The following OSBPL10 variants were observed in gnomAD, a reference collection of about 807,000 sequenced individuals.
OSBPL10 encodes oxysterol-binding protein-related protein 10.
Under a neutral mutation model 81.7 loss-of-function variants are expected in OSBPL10, and 49 were observed. That is an observed-to-expected ratio of 0.60 (90% CI 0.48 to 0.76). The LOEUF (loss-of-function observed/expected upper bound fraction) is 0.76, where lower values mean the gene tolerates loss of function less well. Among genes scored for constraint, OSBPL10 ranks in the 30% least tolerant of loss-of-function variants. The pLI is 0.00. For synonymous variants in OSBPL10, 419 were observed against 383.6 expected, an observed-to-expected ratio of 1.09 and a Z score of -1.08; for missense variants, 923 against 987.8, an observed-to-expected ratio of 0.93 and a Z score of 0.88.
intron 6 of OSBPL10, among the ~76,000 whole-genome samples, chr3:31,711,441 G>A (rs562723540): frequency 2.2e-4 from 33 of 152,316 alleles, no homozygotes; most frequent in African/African-American, 7.9e-4. Context: ...ATTCTTTCAT[G>A]GAGGAATCCT....
chr3:32,008,090 T>C (rs1202226908), intron 2 of OSBPL10, among the ~76,000 whole-genome samples: 1 of 152,126 alleles, frequency 6.6e-6, no homozygotes, highest in Non-Finnish European at 1.5e-5. Flanking sequence ...GTAGACAGTG[T>C]AGACATTTGG....
At chr3:31,695,814 A>G (rs1695702305) in intron 7 of OSBPL10, among the ~76,000 whole-genome samples, 1 of 151,510 alleles carries the variant, frequency 6.6e-6, no homozygotes, top group South Asian at 2.1e-4. Flanking sequence ...GCTCTTTATC[A>G]CTCTCAGCTG....
chr3:31,714,384 G>A (rs1040432149), intron 6 of OSBPL10, among the ~76,000 whole-genome samples: 2 of 152,234 alleles, frequency 1.3e-5, no homozygotes, highest in Non-Finnish European at 2.9e-5. Context: ...TTGCGGGGGC[G>A]CAGTAATCAG....
chr3:31,828,339 A>G (rs1462555146), intron 4 of OSBPL10, among the ~76,000 whole-genome samples: 1 of 152,220 alleles, frequency 6.6e-6, no homozygotes, highest in Non-Finnish European at 1.5e-5. Flanking sequence ...TAAAACAAGA[A>G]CAATGGAAAG....
intron 1 of OSBPL10, among the ~76,000 whole-genome samples, chr3:31,883,433 T>C (rs1695645826): frequency 6.6e-6 from 1 of 151,940 alleles, no homozygotes; most frequent in Admixed American, 6.6e-5. Flanking sequence ...AGAGATGGGG[T>C]TTCCCCATGT....
At chr3:31,990,468 C>A in intron 2 of OSBPL10, 1 of 1,556,640 alleles carries the variant, frequency 6.4e-7, no homozygotes, top group South Asian at 1.2e-5. Flanking sequence ...GCAAGACCTT[C>A]CATCACAATT....
intron 2 of OSBPL10, chr3:32,037,491 A>C (rs966287985): frequency 5.3e-6 from 1 of 187,178 alleles, no homozygotes; most frequent in Non-Finnish European, 1.1e-5. Flanking sequence ...TTTCTAAAAA[A>C]ATTTTTTTTT....
intron 1 of OSBPL10, among the ~76,000 whole-genome samples, chr3:31,910,702 G>C (rs1696551110): frequency 6.6e-6 from 1 of 152,012 alleles, no homozygotes; most frequent in South Asian, 2.1e-4. Context: ...TCCTCAGTTG[G>C]ACTTCTTGGC....
At position 31,667,247 on chromosome 3, in the gene OSBPL10, G is replaced by T. The variant is rs1346103032; in HGVS notation, c.2096+1395C>A. Among the ~76,000 whole-genome samples, 3 of 152,316 alleles carry T rather than the reference G, an allele frequency of 2.0e-5. No individual in the cohort carries two copies. The South Asian group carries it at 6.2e-4, about 32-fold the overall frequency. ...AAGGGGATGGGTTTCCTTCCTTATC[G>T]CAGCCTTTCCCTTGTCCTGCTACTG... On this transcript the variant is annotated intron_variant, in intron 10 of 11. Coordinates refer to ENST00000396556, the MANE Select transcript of OSBPL10 (RefSeq NM_017784.5).
chr3:31,973,046 T>A (rs866151736), intron 1 of OSBPL10, among the ~76,000 whole-genome samples: 23 of 152,302 alleles, frequency 1.5e-4, no homozygotes, highest in African/African-American at 5.3e-4. Context: ...AAATTCTGGA[T>A]GGTTTTCTTT....
In OSBPL10 at chr3:31,821,530, C is replaced by T. The variant is rs115724437; in HGVS notation, c.729+8510G>A. ...TCTAATATTTTTACTCACAAACAAC[C>T]CACTCTATTGCTTTAAAAACATTTG... On this transcript the variant is annotated intron_variant, in intron 4 of 11. Coordinates refer to ENST00000396556, the MANE Select transcript of OSBPL10 (RefSeq NM_017784.5). Among the ~76,000 whole-genome samples the T allele has an allele frequency of 6.4e-3, 980 of 152,232 alleles. 6 individuals are homozygous for T. Among genetic ancestry groups the T allele is most frequent in the African/African-American group, 0.022 (911 of 41,542 alleles).
In OSBPL10 at chr3:31,668,667, C is replaced by T; in HGVS notation, c.2071G>A (p.Glu691Lys). 6.2e-7 allele frequency: 1 copy of T among 1,613,678 alleles called. No homozygotes were observed. Among genetic ancestry groups the T allele is most frequent in the Non-Finnish European group, 8.5e-7 (1 of 1,179,738 alleles). ...PVYPKKIRPL[E>K]KQGPMESRNL... Reference sequence around the variant, plus strand: ...CTGGACTCCATGGGTCCCTGCTTCTCAAGAGGTCTGATCTTCTTGGGATAC... The same window carrying T: ...CTGGACTCCATGGGTCCCTGCTTCTTAAGAGGTCTGATCTTCTTGGGATAC... Residue 691 changes from glutamate (E) to lysine (K), a missense_variant, in exon 10 of 12, where the codon GAG (glutamate) becomes AAG (lysine). Physicochemically the swap from Glu to Lys is moderately conservative, Grantham distance 56. Around this residue, in one of 3 missense-constraint regions of OSBPL10, gnomAD observed 387 missense variants for 436.3 expected, o/e 0.89. Coordinates refer to ENST00000396556, the MANE Select transcript of OSBPL10 (RefSeq NM_017784.5).
chr3:31,882,460 C>A (rs1695610176), intron 1 of OSBPL10, among the ~76,000 whole-genome samples: 1 of 152,220 alleles, frequency 6.6e-6, no homozygotes, highest in Middle Eastern at 3.2e-3. Context: ...CACCCAAGCC[C>A]TGCTGAATCA....
chr3:31,816,794 G>C (rs1267183973), intron 4 of OSBPL10, among the ~76,000 whole-genome samples: 1 of 152,160 alleles, frequency 6.6e-6, no homozygotes, highest in African/African-American at 2.4e-5. Context: ...ACTCCTTTCT[G>C]TAGGCAGGCC....
chr3:31,963,375 A>G (rs1698224231), intron 1 of OSBPL10, among the ~76,000 whole-genome samples: 1 of 152,184 alleles, frequency 6.6e-6, no homozygotes, highest in Non-Finnish European at 1.5e-5. Flanking sequence ...TTTTCCAAGA[A>G]CAAGGACATT....
intron 4 of OSBPL10, among the ~76,000 whole-genome samples, chr3:31,780,779 C>T (rs987166944): frequency 6.6e-6 from 1 of 152,054 alleles, no homozygotes; most frequent in Non-Finnish European, 1.5e-5. Flanking sequence ...AAACTCTGAA[C>T]AGACCAATAA....
intron 4 of OSBPL10, among the ~76,000 whole-genome samples, chr3:31,771,789 T>C (rs1356742111): frequency 6.6e-6 from 1 of 152,192 alleles, no homozygotes; most frequent in African/African-American, 2.4e-5. Context: ...AACTTCGTAA[T>C]TTTGAGTTGG....
intron 3 of OSBPL10, among the ~76,000 whole-genome samples, chr3:31,868,604 G>C (rs916471006): frequency 9.2e-5 from 14 of 151,950 alleles, no homozygotes; most frequent in Non-Finnish European, 1.5e-4. Context: ...TCGTGTACAA[G>C]TCATCTCCAC....
intron 3 of OSBPL10, among the ~76,000 whole-genome samples, chr3:31,853,873 G>A (rs1018236816): frequency 6.6e-6 from 1 of 152,170 alleles, no homozygotes; most frequent in South Asian, 2.1e-4. Flanking sequence ...CCAAAATGCA[G>A]CCCCTTATCA....
Sources: gnomAD v4.1 joint callset for allele counts (sites outside exome capture counted in the v4.1 genomes callset) on GRCh38, gnomAD v4.1.1 for gene constraint, gnomAD v4.1.1 regional missense constraint, MANE v1.5 for transcripts, NCBI Gene and HGNC (gene_info 2026-07-23, HGNC 2026-07-21) for gene names.